ADAMTS12: variants seen among roughly 807,000 people sequenced by gnomAD.
ADAMTS12 encodes ADAM metallopeptidase with thrombospondin type 1 motif 12, also known as A disintegrin and metalloproteinase with thrombospondin motifs 12.
In ADAMTS12, 118 loss-of-function variants were observed where a neutral mutation model predicts 167.8. That is an observed-to-expected ratio of 0.70 (90% CI 0.61 to 0.82). The LOEUF (loss-of-function observed/expected upper bound fraction) is 0.82. ADAMTS12 is among the 40% of genes least tolerant of loss of function. The pLI is 0.00. For missense variants in ADAMTS12, 1,916 were observed against 1,998.8 expected (o/e 0.96, Z 0.79); for synonymous variants, 704 against 716.9 (o/e 0.98, Z 0.29).
chr5:33,615,368 G>A (rs1263742086), intron 15 of ADAMTS12, among the ~76,000 whole-genome samples: 2 of 152,136 alleles, frequency 1.3e-5, no homozygotes, highest in Admixed American at 1.3e-4. Context: ...ACAGTTCTGT[G>A]CCCAATATGA....
At chr5:33,809,130 G>A (rs553592352) in intron 2 of ADAMTS12, among the ~76,000 whole-genome samples, 1 of 152,300 alleles carries the variant, frequency 6.6e-6, no homozygotes, top group African/African-American at 2.4e-5. Flanking sequence ...CACTTTGAAT[G>A]ATAGTTCACT....
intron 2 of ADAMTS12, among the ~76,000 whole-genome samples, chr5:33,836,718 G>C (rs1748541698): frequency 6.6e-6 from 1 of 152,158 alleles, no homozygotes; most frequent in African/African-American, 2.4e-5. Flanking sequence ...GGGAAGCTGA[G>C]AACTGAGGGA....
intron 12 of ADAMTS12, among the ~76,000 whole-genome samples, chr5:33,633,577 C>G (rs1350426584): frequency 6.6e-6 from 1 of 152,064 alleles, no homozygotes; most frequent in Non-Finnish European, 1.5e-5. Context: ...AGGTTCAGTG[C>G]TATTCAAGGC....
At chr5:33,788,014 C>A (rs61610604) in intron 2 of ADAMTS12, among the ~76,000 whole-genome samples, 1,665 of 152,266 alleles carry the variant, frequency 0.011, 29 homozygotes, top group African/African-American at 0.038. Context: ...CAACACTTAG[C>A]CACCCACCAT....
At position 33,546,125 on chromosome 5, in the gene ADAMTS12, T is replaced by C; in HGVS notation, c.4380A>G (p.Arg1460=). The C allele has an allele frequency of 6.2e-7, 1 of 1,613,760 alleles. No homozygotes were observed. The highest frequency in any genetic ancestry group is 8.5e-7 in the Non-Finnish European group (1 of 1,179,954). The part of the protein sequence containing the change: ...CPGGLCDWTK[R]PTSTMSCNEH... ...CATTGCAAGACATGGTGGATGTGGG[T>C]CTTTTTGTCCAATCACAGAGGCCTC... The change falls in exon 22 of 24, where the codon AGA becomes AGG. Residue 1460 remains arginine (R), a synonymous_variant. Coordinates refer to ENST00000504830, the MANE Select transcript of ADAMTS12 (RefSeq NM_030955.4).
chr5:33,553,125 C>A (rs1449037030), intron 20 of ADAMTS12, among the ~76,000 whole-genome samples: 1 of 152,176 alleles, frequency 6.6e-6, no homozygotes, highest in Non-Finnish European at 1.5e-5. Context: ...AGCTCAATAT[C>A]ACTGATCATT....
chr5:33,694,098 G>A (rs1011757696), intron 3 of ADAMTS12, among the ~76,000 whole-genome samples: 2 of 152,138 alleles, frequency 1.3e-5, no homozygotes, highest in Non-Finnish European at 2.9e-5. Flanking sequence ...AGCTGACCAG[G>A]CAGGTGAAAG....
Position 33,649,051 on chromosome 5 carries a change from G to A in ADAMTS12, c.1335-85C>T, listed in dbSNP as rs1740782712. The A allele has an allele frequency of 2.6e-6, 4 of 1,520,522 alleles. No individual in the cohort carries two copies. The African/African-American group carries it at 4.1e-5, about 16-fold the overall frequency. The allele number at this position is 1,520,522 out of a possible 1,614,324, so 94.2% of individuals were successfully genotyped here. On this transcript the variant is annotated intron_variant, in intron 8 of 23. Transcript: ENST00000504830. ...TTCATTCAACAGAAACTTCCCTCTG[G>A]TTTACTCTTTGTCCTTTAAGACAAC...
intron 3 of ADAMTS12, among the ~76,000 whole-genome samples, chr5:33,700,528 G>A (rs1742960418): frequency 6.6e-6 from 1 of 152,162 alleles, no homozygotes; most frequent in Admixed American, 6.5e-5. Flanking sequence ...TAGGATGGAG[G>A]GATGAGGGCA....
intron 2 of ADAMTS12, among the ~76,000 whole-genome samples, chr5:33,751,779 G>A (rs116589051): frequency 0.016 from 2,379 of 152,242 alleles, 71 homozygotes; most frequent in African/African-American, 0.055. Context: ...TGACCTTATT[G>A]AAAAAAGTGC....
At chr5:33,803,947 A>G (rs1747118393) in intron 2 of ADAMTS12, among the ~76,000 whole-genome samples, 1 of 152,156 alleles carries the variant, frequency 6.6e-6, no homozygotes, top group Admixed American at 6.5e-5. Flanking sequence ...GCCAAACCAT[A>G]TCAACAATGT....
chr5:33,560,826 G>A (rs1478700470), intron 20 of ADAMTS12, among the ~76,000 whole-genome samples: 8 of 147,020 alleles, frequency 5.4e-5, no homozygotes, highest in African/African-American at 1.5e-4. Flanking sequence ...TGTAAATGAC[G>A]AGTTAATGGG....
intron 1 of ADAMTS12, among the ~76,000 whole-genome samples, chr5:33,883,326 T>G (rs1468035133): frequency 5.6e-5 from 6 of 107,862 alleles, no homozygotes; most frequent in South Asian, 3.6e-4. Flanking sequence ...GTTTTTTTTT[T>G]GTTTTTTTTT....
intron 17 of ADAMTS12, among the ~76,000 whole-genome samples, chr5:33,589,867 A>C (rs1315417174): frequency 6.6e-6 from 1 of 152,200 alleles, no homozygotes; most frequent in Non-Finnish European, 1.5e-5. Flanking sequence ...TTATTTACTA[A>C]ATATTAGATT....
chr5:33,645,506 C>T (rs924113732), intron 9 of ADAMTS12, among the ~76,000 whole-genome samples: 1 of 152,084 alleles, frequency 6.6e-6, no homozygotes, highest in Non-Finnish European at 1.5e-5. Flanking sequence ...GAAGTGAAAA[C>T]CCACATAACC....
intron 10 of ADAMTS12, among the ~76,000 whole-genome samples, chr5:33,642,681 G>A (rs534499701): frequency 4.6e-5 from 7 of 152,294 alleles, no homozygotes; most frequent in South Asian, 4.1e-4. Flanking sequence ...TGTGGTTGTC[G>A]TGAATAACCA....
intron 20 of ADAMTS12, among the ~76,000 whole-genome samples, chr5:33,557,008 G>A (rs1434416217): frequency 2.0e-5 from 3 of 152,178 alleles, no homozygotes; most frequent in Non-Finnish European, 4.4e-5. Flanking sequence ...TCATGAACCT[G>A]ACATATGTAT....
chr5:33,556,844 G>A (rs168888), intron 20 of ADAMTS12, among the ~76,000 whole-genome samples: 43,250 of 152,038 alleles, frequency 0.28, 7,471 homozygotes, highest in East Asian at 0.56. Flanking sequence ...TGTGGGAGCC[G>A]GACTAAGCAG....
chr5:33,627,129 ATGTGG>A (rs1739690014), intron 13 of ADAMTS12, among the ~76,000 whole-genome samples: 1 of 106,336 alleles, frequency 9.4e-6, no homozygotes, highest in Admixed American at 8.9e-5. Context: ...GGTGGTGGTG[ATGTGG>A]TGGTGGTGGT....
Sources: allele counts gnomAD v4.1 joint callset (sites outside exome capture counted in the v4.1 genomes callset), GRCh38; gene constraint gnomAD v4.1.1; transcripts MANE v1.5; gene names NCBI Gene and HGNC (gene_info 2026-07-23, HGNC 2026-07-21).